PALM3: variants seen among roughly 807,000 people sequenced by gnomAD.
PALM3 encodes the protein paralemmin-3.
PALM3 carries 20 observed loss-of-function variants against 27.9 expected under a neutral mutation model. The ratio of observed to expected loss-of-function variants is 0.72; its 90% confidence interval spans 0.50 to 1.04. The LOEUF (loss-of-function observed/expected upper bound fraction) is 1.04, where lower values mean the gene tolerates loss of function less well. PALM3 is among the 50% of genes least tolerant of loss of function. The probability of loss-of-function intolerance (pLI) is 0.00; values close to 1 mark genes in which losing one functional copy is unlikely to be tolerated. For synonymous variants in PALM3, 328 were observed against 352.7 expected, an observed-to-expected ratio of 0.93 and a Z score of 0.79; for missense variants, 814 against 869.4, an observed-to-expected ratio of 0.94 and a Z score of 0.80.
rs1976220149 is a variant in PALM3, at chr19:14,053,504, C to T, written c.*101G>A. On this transcript the variant is annotated 3_prime_UTR_variant, in exon 7 of 7. Transcript: ENST00000669674. ...GCTAGCTGGCTCCCAGGTGCCATGGCCAGTCCTGTGGTCCCTGTCTGTGCC... is the reference window on the plus strand; with the variant it reads ...GCTAGCTGGCTCCCAGGTGCCATGGTCAGTCCTGTGGTCCCTGTCTGTGCC... 1.5e-6 allele frequency: 2 copies of T among 1,339,102 alleles called. No individual in the cohort carries two copies. Among genetic ancestry groups the T allele is most frequent in the East Asian group, 2.7e-5 (1 of 36,804 alleles). 83.0% of individuals were successfully genotyped at this position (1,339,102 alleles called of 1,614,324 possible). A position where few individuals can be genotyped will look rare whatever the true frequency, so the allele number is the denominator to read the frequency against.
At position 14,054,562 on chromosome 19, in the gene PALM3, C is replaced by G. The variant is rs1568506684; in HGVS notation, c.1110G>C (p.Glu370Asp). The G allele has an allele frequency of 1.9e-6, 3 of 1,551,918 alleles. No homozygotes were observed. Among genetic ancestry groups the G allele is most frequent in the African/African-American group, 1.4e-5 (1 of 73,120 alleles). Reference sequence around the variant, plus strand: ...GCCCTTCCAACCCCTCCACCAGCAGCTCCTCCCACTCTTCACTGAGGGTCA... The same window carrying G: ...GCCCTTCCAACCCCTCCACCAGCAGGTCCTCCCACTCTTCACTGAGGGTCA... ...ERVTLSEEWEELLVEGLEGPE... is the reference protein window; with the variant it reads ...ERVTLSEEWEDLLVEGLEGPE... The change falls in exon 7 of 7, where the codon GAG (glutamate) becomes GAC (aspartate). Residue 370 changes from glutamate (E) to aspartate (D), a missense_variant. Coordinates refer to ENST00000669674, the MANE Select transcript of PALM3 (RefSeq NM_001145028.2).
At chr19:14,060,630 G>A (rs1263634962) in intron 1 of PALM3, among the ~76,000 whole-genome samples, 1 of 152,154 alleles carries the variant, frequency 6.6e-6, no homozygotes, top group African/African-American at 2.4e-5. Flanking sequence ...AGAACTTGAA[G>A]CTATCAGATC....
At chr19:14,057,506 T>C in intron 2 of PALM3, 75 bp from the exon 3 acceptor site, 1 of 1,167,692 alleles carries the variant, frequency 8.6e-7, no homozygotes, top group Non-Finnish European at 1.2e-6. Flanking sequence ...CCCTTTCCCC[T>C]CCCTCCTCCG....
At chr19:14,057,593 G>A (rs1976331458) in intron 2 of PALM3, 162 bp from the exon 3 acceptor site, 1 of 414,638 alleles carries the variant, frequency 2.4e-6, no homozygotes, top group Non-Finnish European at 4.1e-6. Context: ...CTGCACCCAG[G>A]GCGGGGAGGG....
chr19:14,060,223 G>A (rs1478871364), intron 1 of PALM3, among the ~76,000 whole-genome samples: 2 of 152,066 alleles, frequency 1.3e-5, no homozygotes, highest in Non-Finnish European at 1.5e-5. Context: ...CTCATTGCCT[G>A]AACTCCAGCT....
At chr19:14,057,509 C>T in intron 2 of PALM3, 78 bp from the exon 3 acceptor site, 2 of 1,219,770 alleles carry the variant, frequency 1.6e-6, no homozygotes, top group South Asian at 3.2e-5. Flanking sequence ...TTTCCCCTCC[C>T]TCCTCCGCGG....
chr19:14,057,886 T>C (rs769186147), intron 2 of PALM3, among the ~76,000 whole-genome samples: 17 of 151,918 alleles, frequency 1.1e-4, no homozygotes, highest in South Asian at 4.2e-4. Flanking sequence ...GGCGGACAGA[T>C]CGCTTGAGGT....
Position 14,055,051 on chromosome 19 carries a change from G to C in PALM3, c.621C>G (p.Pro207=). ...TCTGACTTAGCCCCTGCTCTGGAGT[G>C]GGGATGGGGCTGGGGCATGGGCCAT... ...EANGPCPSPI[P]TPEQGLSQRA... The change falls in exon 7 of 7, where the codon CCC becomes CCG. Residue 207 remains proline (P), a synonymous_variant. Coordinates refer to ENST00000669674, the MANE Select transcript of PALM3 (RefSeq NM_001145028.2). 6.4e-7 allele frequency: 1 copy of C among 1,551,426 alleles called. No individual in the cohort carries two copies. The highest frequency in any genetic ancestry group is 8.7e-7 in the Non-Finnish European group (1 of 1,146,890).
intron 1 of PALM3, 127 bp from the exon 2 acceptor site, chr19:14,059,290 G>T: frequency 1.1e-6 from 1 of 913,306 alleles, no homozygotes; most frequent in Non-Finnish European, 1.5e-6. Context: ...CTTTGCACCT[G>T]GGAAGAGTCT....
chr19:14,056,622 T>C (rs1976309002), intron 4 of PALM3, 40 bp downstream of exon 4: 1 of 1,551,558 alleles, frequency 6.4e-7, no homozygotes, highest in Non-Finnish European at 8.7e-7. Context: ...CTCACCCAGC[T>C]GGGGCAGGGT....
In PALM3 at chr19:14,055,307, C is replaced by T. The variant is rs990795182; in HGVS notation, c.445+73G>A. 2.8e-6 allele frequency: 4 copies of T among 1,408,954 alleles called. No homozygotes were observed. The African/African-American group carries it at 1.3e-4, about 45-fold the overall frequency. 87.3% of individuals were successfully genotyped at this position (1,408,954 alleles called of 1,614,324 possible). A position where few individuals can be genotyped will look rare whatever the true frequency, so the allele number is the denominator to read the frequency against. On this transcript the variant is annotated intron_variant, in intron 6 of 6. Coordinates refer to ENST00000669674, the MANE Select transcript of PALM3 (RefSeq NM_001145028.2). The stretch of plus-strand genomic sequence containing the variant: ...GAACAAAAGGACTGCCATCCACACT[C>T]CCCTTGAGTCACCCTCTCACACCCA...
In PALM3 at chr19:14,054,286, C is replaced by A. The variant is rs1568506279; in HGVS notation, c.1386G>T (p.Arg462Ser). 1 of 1,552,282 alleles carries A rather than the reference C, an allele frequency of 6.4e-7. No homozygotes were observed. The highest frequency in any genetic ancestry group is 1.2e-5 in the South Asian group (1 of 84,060). Residue 462 changes from arginine to serine, a missense_variant, in exon 7 of 7, where the codon AGG (arginine) becomes AGT (serine). Coordinates refer to ENST00000669674, the MANE Select transcript of PALM3 (RefSeq NM_001145028.2). ...TGCCCAGTGGTTCCTCACCTCCTTC[C>A]CTCTCTGTTCCCAGCTTTTCTGCAC... ...RGSAEKLGTEREGGEEPLGIE... is the reference protein window; with the variant it reads ...RGSAEKLGTESEGGEEPLGIE...
chr19:14,055,210 G>A lies in PALM3; in HGVS notation c.462C>T (p.Asn154=), dbSNP rs1976281858. The A allele has an allele frequency of 2.0e-6, 3 of 1,518,434 alleles. No homozygotes were observed. Among genetic ancestry groups the A allele is most frequent in the East Asian group, 2.5e-5 (1 of 40,782 alleles). 94.1% of individuals were successfully genotyped at this position (1,518,434 alleles called of 1,614,324 possible). A position where few individuals can be genotyped will look rare whatever the true frequency, so the allele number is the denominator to read the frequency against. Residue 154 remains asparagine, a synonymous_variant, in exon 7 of 7, where the codon AAC becomes AAT. Transcript: ENST00000669674. ...GTCCAGCCGGCAGGGAGGCTCTCTT[G>A]TTCAGATCAGTCTGGCCTGGGGGAG... ...EAGSVGQTDL[N]KRASLPAGLV...
At chr19:14,058,084 G>C (rs1480211587) in intron 2 of PALM3, among the ~76,000 whole-genome samples, 2 of 152,170 alleles carry the variant, frequency 1.3e-5, no homozygotes, top group African/African-American at 4.8e-5. Context: ...CTCCAGCCTG[G>C]GCGACAGAGC....
chr19:14,060,812 G>C (rs536606657), intron 1 of PALM3, among the ~76,000 whole-genome samples: 6 of 152,234 alleles, frequency 3.9e-5, no homozygotes, highest in Non-Finnish European at 1.5e-5. Flanking sequence ...CCAGGCTGGA[G>C]TGCAATGGCT....
rs1321894411 is a variant in PALM3, at chr19:14,054,871, G to A, written c.801C>T (p.Ile267=). 18 of 1,547,792 alleles carry A rather than the reference G, an allele frequency of 1.2e-5. No homozygotes were observed. The highest frequency in any genetic ancestry group is 9.9e-5 in the Admixed American group (5 of 50,690). Reference sequence around the variant, plus strand: ...GGCTACCAGCTCCCTTCCTGTCTCCGATGGCTTCCAGCACCACTTCCTCCA... The same window carrying A: ...GGCTACCAGCTCCCTTCCTGTCTCCAATGGCTTCCAGCACCACTTCCTCCA... ...AKVEEVVLEA[I]GDRKGAGSLE... Residue 267 remains isoleucine (I), a synonymous_variant, in exon 7 of 7, where the codon ATC becomes ATT. Coordinates refer to ENST00000669674, the MANE Select transcript of PALM3 (RefSeq NM_001145028.2).
intron 2 of PALM3, among the ~76,000 whole-genome samples, chr19:14,058,039 C>T (rs1976345732): frequency 6.6e-6 from 1 of 152,018 alleles, no homozygotes; most frequent in Admixed American, 6.6e-5. Flanking sequence ...ACTCGGGAGG[C>T]GCAGGTTGCA....
intron 5 of PALM3, among the ~76,000 whole-genome samples, chr19:14,056,203 C>G (rs187065114): frequency 2.0e-5 from 3 of 152,208 alleles, no homozygotes; most frequent in African/African-American, 7.2e-5. Context: ...GCCACCATGC[C>G]TGGCCTATAC....
chr19:14,056,854 A>G (rs1568508311), intron 3 of PALM3, 50 bp from the exon 4 acceptor site: 1 of 1,490,362 alleles, frequency 6.7e-7, no homozygotes. Flanking sequence ...ACCCCGGTCC[A>G]TGTAAAGTCC....
Sources: allele counts gnomAD v4.1 joint callset (sites outside exome capture counted in the v4.1 genomes callset), GRCh38; gene constraint gnomAD v4.1.1; transcripts MANE v1.5; gene names NCBI Gene and HGNC (gene_info 2026-07-23, HGNC 2026-07-21).